Variants in ARL15 observed in about 807,000 individuals in gnomAD.
ARL15 encodes the protein ARF like GTPase 15.
A neutral mutation model predicts 25.2 loss-of-function variants in ARL15; 19 were observed. The observed-to-expected ratio is 0.75, with a 90% CI of 0.53 to 1.10. ARL15 has a LOEUF of 1.10. Among genes scored for constraint, ARL15 ranks in the 50% least tolerant of loss-of-function variants. The pLI is 0.00. For missense variants in ARL15, 220 were observed against 246.0 expected, an observed-to-expected ratio of 0.89 and a Z score of 0.71; for synonymous variants, 94 against 86.8, an observed-to-expected ratio of 1.08 and a Z score of -0.46.
intron 4 of ARL15, among the ~76,000 whole-genome samples, chr5:54,037,847 T>A (rs1162566737): frequency 1.3e-5 from 2 of 151,938 alleles, no homozygotes; most frequent in East Asian, 1.9e-4. Context: ...AACAAACCTA[T>A]CATTTATTTC....
At chr5:54,118,560 A>G (rs1360462845) in intron 3 of ARL15, among the ~76,000 whole-genome samples, 1 of 152,184 alleles carries the variant, frequency 6.6e-6, no homozygotes, top group Non-Finnish European at 1.5e-5. Flanking sequence ...GACATTTAAG[A>G]TCTACTGAAA....
At chr5:54,169,963 TTTC>T (rs1200746523) in intron 2 of ARL15, among the ~76,000 whole-genome samples, 6 of 152,160 alleles carry the variant, frequency 3.9e-5, no homozygotes. Context: ...AGCTCCACAG[TTTC>T]TTATCTCAAT....
At chr5:54,228,478 G>A (rs924397799) in intron 1 of ARL15, among the ~76,000 whole-genome samples, 1 of 151,856 alleles carries the variant, frequency 6.6e-6, no homozygotes, top group Non-Finnish European at 1.5e-5. Context: ...TTATTACCAC[G>A]AGGACTGACC....
chr5:54,094,010 C>A (rs1400149404), intron 4 of ARL15, among the ~76,000 whole-genome samples: 2 of 152,144 alleles, frequency 1.3e-5, no homozygotes, highest in African/African-American at 4.8e-5. Flanking sequence ...AGGGTTTAGT[C>A]TGAGAAACAA....
chr5:54,294,221 A>G (rs976707918), intron 1 of ARL15, among the ~76,000 whole-genome samples: 5 of 152,348 alleles, frequency 3.3e-5, no homozygotes, highest in Admixed American at 3.3e-4. Flanking sequence ...GCAAATTCCA[A>G]TCTGTGGGAA....
At chr5:54,124,712 A>G (rs1398681823) in intron 3 of ARL15, among the ~76,000 whole-genome samples, 1 of 152,184 alleles carries the variant, frequency 6.6e-6, no homozygotes, top group African/African-American at 2.4e-5. Flanking sequence ...CAGAAACCAC[A>G]TATTTTCTTT....
intron 3 of ARL15, among the ~76,000 whole-genome samples, chr5:54,152,290 A>G (rs1238927311): frequency 4.6e-5 from 7 of 152,158 alleles, no homozygotes; most frequent in African/African-American, 1.7e-4. Context: ...TTATTTTGGG[A>G]TGATCCCCTT....
At chr5:54,302,563 T>C (rs547286860) in intron 1 of ARL15, among the ~76,000 whole-genome samples, 4 of 152,046 alleles carry the variant, frequency 2.6e-5, no homozygotes, top group South Asian at 4.1e-4. Flanking sequence ...GAACCAGCAA[T>C]GATGCAGGTT....
At chr5:54,167,563 A>C (rs1754610541) in intron 2 of ARL15, among the ~76,000 whole-genome samples, 1 of 152,084 alleles carries the variant, frequency 6.6e-6, no homozygotes, top group Non-Finnish European at 1.5e-5. Context: ...TGGGAGAGTA[A>C]ACTAGTTCCA....
At chr5:54,092,906 T>C (rs1450329100) in intron 4 of ARL15, among the ~76,000 whole-genome samples, 3 of 152,232 alleles carry the variant, frequency 2.0e-5, no homozygotes, top group Non-Finnish European at 4.4e-5. Context: ...TATTTTTTCC[T>C]GTAAAACAAT....
At chr5:54,126,180 C>A (rs1165701483) in intron 3 of ARL15, among the ~76,000 whole-genome samples, 1 of 152,272 alleles carries the variant, frequency 6.6e-6, no homozygotes, top group East Asian at 1.9e-4. Flanking sequence ...TCTTTACTCA[C>A]ATTGTTTCAT....
At chr5:54,241,561 T>G (rs1383229695) in intron 1 of ARL15, among the ~76,000 whole-genome samples, 1 of 152,212 alleles carries the variant, frequency 6.6e-6, no homozygotes, top group East Asian at 1.9e-4. Context: ...GGTAAAATAA[T>G]AGTGTTTATT....
intron 1 of ARL15, among the ~76,000 whole-genome samples, chr5:54,189,306 A>G (rs1432340070): frequency 6.6e-6 from 1 of 152,184 alleles, no homozygotes; most frequent in Non-Finnish European, 1.5e-5. Context: ...AAAAAAGCCC[A>G]TCCTAAAATT....
At chr5:54,305,368 T>C (rs780928908) in intron 1 of ARL15, among the ~76,000 whole-genome samples, 2 of 151,852 alleles carry the variant, frequency 1.3e-5, no homozygotes, top group Non-Finnish European at 2.9e-5. Context: ...GGCATGGTGG[T>C]GGGCACCTGT....
intron 3 of ARL15, among the ~76,000 whole-genome samples, chr5:54,139,344 C>G (rs1162337619): frequency 1.3e-5 from 2 of 152,074 alleles, no homozygotes; most frequent in Non-Finnish European, 2.9e-5. Flanking sequence ...TAAAAAAGAA[C>G]AGAATAATGA....
chr5:53,990,359 ATC>A (rs1748445795), intron 4 of ARL15, among the ~76,000 whole-genome samples: 1 of 152,210 alleles, frequency 6.6e-6, no homozygotes, highest in Admixed American at 6.5e-5. Context: ...GCCAGGTAAA[ATC>A]TGGAAATACA....
At chr5:53,954,012 T>C (rs529968003) in intron 4 of ARL15, among the ~76,000 whole-genome samples, 97 of 151,930 alleles carry the variant, frequency 6.4e-4, no homozygotes, top group African/African-American at 2.2e-3. Flanking sequence ...AAACCTGAGA[T>C]TATTGATTTT....
chr5:54,009,981 A>G (rs1749180426), intron 4 of ARL15, among the ~76,000 whole-genome samples: 1 of 152,092 alleles, frequency 6.6e-6, no homozygotes, highest in Middle Eastern at 3.2e-3. Context: ...TTTACTGAGG[A>G]AAAAAACAAA....
At chr5:54,037,230 TG>T (rs1366770483) in intron 4 of ARL15, among the ~76,000 whole-genome samples, 2 of 152,072 alleles carry the variant, frequency 1.3e-5, no homozygotes, top group Non-Finnish European at 2.9e-5. Flanking sequence ...AAGTATTAAA[TG>T]TATATTTCTT....
Sources: allele counts gnomAD v4.1 joint callset (sites outside exome capture counted in the v4.1 genomes callset), GRCh38; gene constraint gnomAD v4.1.1; transcripts MANE v1.5; gene names NCBI Gene and HGNC (gene_info 2026-07-23, HGNC 2026-07-21).